The following CIMAP3 variants were observed in gnomAD, a reference collection of about 807,000 sequenced individuals.
The protein encoded by CIMAP3 is ciliary microtubule-associated protein 3.
At chr1:111,346,875 C>G in the CIMAP3 span, 88 of 1,607,792 alleles carry the variant, frequency 5.5e-5, 1 homozygote, top group Non-Finnish European at 4.2e-5. Context: ...ACCCAGGTGC[C>G]GTCCCTCACG....
At chr1:111,346,483 C>A in the CIMAP3 span, 1 of 920,416 alleles carries the variant, frequency 1.1e-6, no homozygotes, top group Non-Finnish European at 1.6e-6. Flanking sequence ...GGGCTTTGGG[C>A]TCCAAGGTGC....
At chr1:111,343,712 C>T in the CIMAP3 span, among the ~76,000 whole-genome samples, 1 of 152,162 alleles carries the variant, frequency 6.6e-6, no homozygotes, top group Non-Finnish European at 1.5e-5. Context: ...ATACGATGTT[C>T]GGTCTGGCTT....
the CIMAP3 span, among the ~76,000 whole-genome samples, chr1:111,327,246 C>G: frequency 6.6e-6 from 1 of 151,932 alleles, no homozygotes; most frequent in African/African-American, 2.4e-5. Flanking sequence ...CTTAATAAAT[C>G]TTATGTTGAT....
the CIMAP3 span, among the ~76,000 whole-genome samples, chr1:111,335,409 C>T: frequency 6.6e-6 from 1 of 152,134 alleles, no homozygotes; most frequent in African/African-American, 2.4e-5. Context: ...TTGCCTCACT[C>T]AGGAAGTGCA....
the CIMAP3 span, chr1:111,350,209 A>T: frequency 1.2e-6 from 2 of 1,610,938 alleles, no homozygotes; most frequent in African/African-American, 2.7e-5. Context: ...ACAGAAAAGA[A>T]CCCTAAAAGC....
chr1:111,339,858 T>A, the CIMAP3 span, among the ~76,000 whole-genome samples: 6 of 151,762 alleles, frequency 4.0e-5, no homozygotes, highest in African/African-American at 1.5e-4. Context: ...AAAACTACTT[T>A]AAAGTTCATA....
chr1:111,333,625 C>T, the CIMAP3 span, among the ~76,000 whole-genome samples: 389 of 152,286 alleles, frequency 2.6e-3, 3 homozygotes, highest in Non-Finnish European at 4.4e-3. Context: ...TAGGAAGTCC[C>T]TCCTGACTCC....
the CIMAP3 span, among the ~76,000 whole-genome samples, chr1:111,338,516 G>A: frequency 6.6e-6 from 1 of 151,856 alleles, no homozygotes; most frequent in Admixed American, 6.6e-5. Flanking sequence ...AAATGATAAA[G>A]GGGATATCAC....
the CIMAP3 span, among the ~76,000 whole-genome samples, chr1:111,347,995 T>G: frequency 6.6e-6 from 1 of 152,242 alleles, no homozygotes; most frequent in East Asian, 1.9e-4. Flanking sequence ...AACAATTTAC[T>G]GAAGAAATGG....
chr1:111,338,651 C>T, the CIMAP3 span, among the ~76,000 whole-genome samples: 63 of 152,148 alleles, frequency 4.1e-4, no homozygotes, highest in African/African-American at 1.5e-3. Flanking sequence ...GAGACTAAAC[C>T]AGGAAGAAGT....
the CIMAP3 span, chr1:111,351,440 G>A: frequency 1.1e-6 from 1 of 892,420 alleles, no homozygotes; most frequent in Non-Finnish European, 1.7e-6. Context: ...GCAGCCTGGA[G>A]CCCAGGGAGG....
At chr1:111,351,412 C>G in the CIMAP3 span, 2 of 1,195,870 alleles carry the variant, frequency 1.7e-6, no homozygotes, top group South Asian at 3.2e-5. Flanking sequence ...TTCTACGTTA[C>G]TGTGGCCCTC....
the CIMAP3 span, among the ~76,000 whole-genome samples, chr1:111,336,360 T>C: frequency 6.6e-6 from 1 of 152,172 alleles, no homozygotes; most frequent in Non-Finnish European, 1.5e-5. Context: ...AGAATGACTT[T>C]GACGAGTTGA....
At chr1:111,345,959 A>ATT in the CIMAP3 span, among the ~76,000 whole-genome samples, 1 of 152,164 alleles carries the variant, frequency 6.6e-6, no homozygotes, top group East Asian at 1.9e-4. Context: ...AGGAATTTTT[A>ATT]TTCCCAATTT....
At chr1:111,350,327 C>T in the CIMAP3 span, 4 of 910,070 alleles carry the variant, frequency 4.4e-6, no homozygotes, top group East Asian at 9.7e-5. Flanking sequence ...TCAGGAAGTC[C>T]TTGGTCCCAA....
chr1:111,345,430 G>A, the CIMAP3 span, among the ~76,000 whole-genome samples: 1 of 152,190 alleles, frequency 6.6e-6, no homozygotes, highest in Non-Finnish European at 1.5e-5. Context: ...ATATTTGAAT[G>A]TCATGTGGGA....
chr1:111,346,940 G>A, the CIMAP3 span: 3 of 1,613,904 alleles, frequency 1.9e-6, no homozygotes, highest in Non-Finnish European at 2.5e-6. Flanking sequence ...TTTGGAACAT[G>A]TCAACAGAGG....
the CIMAP3 span, among the ~76,000 whole-genome samples, chr1:111,333,681 G>T: frequency 2.8e-3 from 433 of 152,326 alleles, 1 homozygote; most frequent in Non-Finnish European, 4.6e-3. Context: ...CAGAGGAAAG[G>T]TGTCTCCATT....
At chr1:111,325,131 C>T in the CIMAP3 span, among the ~76,000 whole-genome samples, 1 of 152,174 alleles carries the variant, frequency 6.6e-6, no homozygotes, top group Non-Finnish European at 1.5e-5. Flanking sequence ...CCAGCTGCAG[C>T]CCTGGGCATG....
Sources: gnomAD v4.1 joint callset for allele counts (sites outside exome capture counted in the v4.1 genomes callset) on GRCh38, gnomAD v4.1.1 for gene constraint, MANE v1.5 for transcripts, NCBI Gene and HGNC (gene_info 2026-07-23, HGNC 2026-07-21) for gene names.